Variants in DNAJC11 observed in about 807,000 individuals in gnomAD.
The protein encoded by DNAJC11 is dnaJ homolog subfamily C member 11.
Under a neutral mutation model 78.6 loss-of-function variants are expected in DNAJC11, and 15 were observed. The ratio of observed to expected loss-of-function variants is 0.19; its 90% CI spans 0.13 to 0.29. The LOEUF is 0.29. Ranked by LOEUF, DNAJC11 falls within the 10% of genes least tolerant of loss-of-function variation. DNAJC11 has a pLI of 1.00. For synonymous variants in DNAJC11, 292 were observed against 272.1 expected (o/e 1.07, Z -0.72); for missense variants, 547 against 709.6 (o/e 0.77, Z 2.60).
In DNAJC11 at chr1:6,634,832, G is replaced by T; in HGVS notation, c.*843C>A. ...CCTGGGGTCCACGCCTTTGGGTTGG[G>T]TGTGTCTGATGTCTTGCCAAGCGCC... On this transcript the variant is annotated 3_prime_UTR_variant, in exon 16 of 16. Coordinates refer to ENST00000377577, the MANE Select transcript of DNAJC11 (RefSeq NM_018198.4). The T allele has an allele frequency of 2.4e-6, 3 of 1,249,726 alleles. No homozygotes were observed. The South Asian group carries it at 4.1e-5, about 17-fold the overall frequency. 77.4% of individuals were successfully genotyped at this position (1,249,726 alleles called of 1,614,324 possible).
At chr1:6,639,184 C>T (rs549853825) in intron 11 of DNAJC11, among the ~76,000 whole-genome samples, 1 of 150,418 alleles carries the variant, frequency 6.6e-6, no homozygotes, top group African/African-American at 2.4e-5. Flanking sequence ...ACTGCAAAAA[C>T]GTTGTGTTTC....
At chr1:6,662,080 T>C (rs1383845184) in intron 4 of DNAJC11, among the ~76,000 whole-genome samples, 65 of 150,922 alleles carry the variant, frequency 4.3e-4, no homozygotes, top group African/African-American at 1.5e-3. Context: ...GCCTCCCGAG[T>C]AGCTGGGACT....
At chr1:6,678,527 A>G (rs1371157521) in intron 2 of DNAJC11, 60 bp from the exon 3 acceptor site, 5 of 1,376,540 alleles carry the variant, frequency 3.6e-6, no homozygotes, top group South Asian at 1.2e-5. Flanking sequence ...GTCCTTCCTG[A>G]GAATACTGAC....
intron 1 of DNAJC11, among the ~76,000 whole-genome samples, chr1:6,689,896 A>G (rs144788161): frequency 0.013 from 1,999 of 152,326 alleles, 52 homozygotes; most frequent in African/African-American, 0.046. Context: ...CAGAGCTTTA[A>G]AGGCTTGTCA....
In DNAJC11 at chr1:6,678,382, A is replaced by C; in HGVS notation, c.276+12T>G. 1 of 1,613,296 alleles carries C rather than the reference A, an allele frequency of 6.2e-7. No homozygotes were observed. Among genetic ancestry groups the C allele is most frequent in the Non-Finnish European group, 8.5e-7 (1 of 1,179,222 alleles). On this transcript the variant is annotated intron_variant, in intron 3 of 15. Coordinates refer to ENST00000377577, the MANE Select transcript of DNAJC11 (RefSeq NM_018198.4). ...GACTTTTCTGGAACACCAGACGCAC[A>C]GTTTCTCTTACCTCCCATCCTTCCA...
chr1:6,678,277 G>A (rs1368962926), intron 3 of DNAJC11, 117 bp downstream of exon 3: 1 of 1,080,566 alleles, frequency 9.3e-7, no homozygotes, highest in Non-Finnish European at 1.4e-6. Context: ...CAAGGAAGGG[G>A]GCTCTAATGG....
chr1:6,636,196 C>T lies in DNAJC11; in HGVS notation c.1575G>A (p.Leu525=). The T allele has an allele frequency of 6.2e-7, 1 of 1,614,162 alleles. No homozygotes were observed. The highest frequency in any genetic ancestry group is 8.5e-7 in the Non-Finnish European group (1 of 1,180,042). Residue 525 remains leucine, a synonymous_variant, in exon 15 of 16, where the codon CTG becomes CTA. Coordinates refer to ENST00000377577, the MANE Select transcript of DNAJC11 (RefSeq NM_018198.4). ...YDPCVGEEKN[L]KVLYQFRGVL... is the part of the protein sequence containing the mutation. ...CGCCCCGGAACTGATAGAGCACTTT[C>T]AGGTTCTTCTCTTCCCCCACACACG...
chr1:6,635,822 C>A, intron 15 of DNAJC11, 122 bp from the exon 16 acceptor site: 1 of 1,237,990 alleles, frequency 8.1e-7, no homozygotes, highest in Admixed American at 2.1e-5. Flanking sequence ...GGCAGAGCAC[C>A]CGCTGCTGAA....
In DNAJC11 at chr1:6,637,450, T is replaced by C; in HGVS notation, c.1378A>G (p.Met460Val). The change falls in exon 13 of 16, where the codon ATG becomes GTG. Residue 460 changes from methionine (M) to valine (V), a missense_variant. Physicochemically the swap from Met to Val is conservative, Grantham distance 21. Transcript: ENST00000377577. Reference protein sequence around the residue: ...RRIIEAEESRMGLIIVNAWYG... With the variant: ...RRIIEAEESRVGLIIVNAWYG... The stretch of plus-strand genomic sequence containing the variant: ...AAGAGAGGACACATGTTCTCACCCA[T>C]TCTGGACTCTTCTGCCTCAATTATC... 2 of 1,614,218 alleles carry C rather than the reference T, an allele frequency of 1.2e-6. No homozygotes were observed. Among genetic ancestry groups the C allele is most frequent in the Non-Finnish European group, 1.7e-6 (2 of 1,180,038 alleles).
intron 1 of DNAJC11, among the ~76,000 whole-genome samples, chr1:6,689,987 C>A (rs1458865488): frequency 6.6e-6 from 1 of 152,106 alleles, no homozygotes; most frequent in Non-Finnish European, 1.5e-5. Context: ...TTTTAATACT[C>A]AAAACGCCTT....
chr1:6,647,186 A>T (rs1021630282), intron 7 of DNAJC11, among the ~76,000 whole-genome samples: 1 of 145,354 alleles, frequency 6.9e-6, no homozygotes, highest in African/African-American at 2.6e-5. Context: ...GATTCAAGTG[A>T]TTCTCCTGCC....
At chr1:6,688,069 G>A (rs156989) in intron 1 of DNAJC11, among the ~76,000 whole-genome samples, 77,685 of 152,020 alleles carry the variant, frequency 0.51, 20,175 homozygotes, top group Admixed American at 0.61. Context: ...AGTGCAAAAG[G>A]TGATAAAGTA....
intron 10 of DNAJC11, among the ~76,000 whole-genome samples, chr1:6,643,375 A>T (rs1641911016): frequency 6.7e-6 from 1 of 149,928 alleles, no homozygotes; most frequent in African/African-American, 2.5e-5. Context: ...TCCCGGGTTC[A>T]CACCATTCTC....
intron 12 of DNAJC11, chr1:6,637,972 A>G (rs1456041642): frequency 2.6e-6 from 1 of 391,922 alleles, no homozygotes; most frequent in Non-Finnish European, 4.6e-6. Flanking sequence ...GGCCGCGCAC[A>G]CGGCCCATGG....
At chr1:6,672,744 G>A (rs1642399825) in intron 3 of DNAJC11, among the ~76,000 whole-genome samples, 1 of 152,164 alleles carries the variant, frequency 6.6e-6, no homozygotes, top group African/African-American at 2.4e-5. Flanking sequence ...AGCCAGCTGT[G>A]AGCCGCTCTT....
At chr1:6,694,482 A>G (rs919325488) in intron 1 of DNAJC11, among the ~76,000 whole-genome samples, 5 of 152,060 alleles carry the variant, frequency 3.3e-5, no homozygotes, top group African/African-American at 1.2e-4. Context: ...CTAAAAGTGA[A>G]GCGGTACAGC....
chr1:6,673,405 G>A (rs890145697), intron 3 of DNAJC11, among the ~76,000 whole-genome samples: 5 of 152,016 alleles, frequency 3.3e-5, no homozygotes. Context: ...CCTCCTGGGA[G>A]ACCTCAGGCA....
chr1:6,658,969 G>A (rs977390707), intron 4 of DNAJC11, among the ~76,000 whole-genome samples: 2 of 152,224 alleles, frequency 1.3e-5, no homozygotes, highest in Non-Finnish European at 2.9e-5. Context: ...TAGTCTGTAA[G>A]ACTTAGTTTT....
intron 10 of DNAJC11, among the ~76,000 whole-genome samples, chr1:6,642,172 T>C (rs1641887770): frequency 6.6e-6 from 1 of 152,102 alleles, no homozygotes; most frequent in South Asian, 2.1e-4. Context: ...AGAGGAGTAC[T>C]ACATCACGGA....
Sources: allele counts gnomAD v4.1 joint callset (sites outside exome capture counted in the v4.1 genomes callset), GRCh38; gene constraint gnomAD v4.1.1; transcripts MANE v1.5; gene names NCBI Gene and HGNC (gene_info 2026-07-23, HGNC 2026-07-21).